The following CWC25 variants were observed in gnomAD, a reference collection of about 807,000 sequenced individuals.
The protein encoded by CWC25 is pre-mRNA-splicing factor CWC25 homolog.
Under a neutral mutation model 54.6 loss-of-function variants are expected in CWC25, and 31 were observed. The ratio of observed to expected loss-of-function variants is 0.57; its 90% confidence interval spans 0.43 to 0.77. CWC25 has a LOEUF of 0.77. Among genes scored for constraint, CWC25 ranks in the 30% least tolerant of loss-of-function variants. The probability of loss-of-function intolerance (pLI) is 0.00; values close to 1 mark genes in which losing one functional copy is unlikely to be tolerated. For missense variants in CWC25, 453 were observed against 529.3 expected (o/e 0.86, Z 1.41); for synonymous variants, 151 against 187.0 (o/e 0.81, Z 1.57).
chr17:38,815,655 C>G, intron 2 of CWC25: 1 of 1,288,472 alleles, frequency 7.8e-7, no homozygotes, highest in Non-Finnish European at 1.0e-6. Flanking sequence ...AACCAGTGTT[C>G]CTCAACATGG....
At chr17:38,813,857 TTTG>T (rs966697574) in intron 3 of CWC25, among the ~76,000 whole-genome samples, 8 of 151,962 alleles carry the variant, frequency 5.3e-5, no homozygotes, top group South Asian at 2.1e-4. Context: ...AGTTGTTTTT[TTTG>T]TTGTTGTTGT....
At chr17:38,803,733 T>TA (rs35237821) in intron 8 of CWC25, among the ~76,000 whole-genome samples, 182 of 141,804 alleles carry the variant, frequency 1.3e-3, no homozygotes, top group South Asian at 2.9e-3. Context: ...GTAGGAGGCT[T>TA]AAAAAAAAAA....
intron 7 of CWC25, 135 bp from the exon 8 acceptor site, chr17:38,806,530 G>A (rs1314671848): frequency 1.2e-6 from 1 of 849,186 alleles, no homozygotes. Context: ...AAGGTATAGG[G>A]TTTGATGTTA....
chr17:38,816,516 T>C (rs530792656), intron 2 of CWC25, among the ~76,000 whole-genome samples: 40 of 151,478 alleles, frequency 2.6e-4, no homozygotes, highest in Admixed American at 2.4e-3. Context: ...CCTCCCAAAG[T>C]GCTGGGATTA....
intron 1 of CWC25, among the ~76,000 whole-genome samples, chr17:38,824,709 C>A (rs987189592): frequency 2.6e-5 from 4 of 151,960 alleles, no homozygotes; most frequent in African/African-American, 9.7e-5. Context: ...AAAAACGACC[C>A]CAGGGCATGG....
rs755916828 is a variant in CWC25 at position 38,820,991 on chromosome 17, C to T, written c.101G>A (p.Arg34Gln). Residue 34 changes from arginine to glutamine, a missense_variant, in exon 2 of 10, where the codon CGG (arginine) becomes CAG (glutamine). Arg to Gln is a conservative substitution (Grantham distance 43). Transcript: ENST00000614790. ...CCGCTGAAGCTCCTCAATCTTCTTC[C>T]GCTCAGCCTCATGCTTCTGCTCGGC... ...WKAEQKHEAE[R>Q]KKIEELQREL... The T allele has an allele frequency of 6.2e-6, 10 of 1,613,870 alleles. No homozygotes were observed. Among genetic ancestry groups the T allele is most frequent in the Middle Eastern group, 3.3e-4 (2 of 6,084 alleles).
intron 4 of CWC25, 93 bp downstream of exon 4, chr17:38,812,702 T>C (rs1911538543): frequency 1.4e-6 from 1 of 718,394 alleles, no homozygotes; most frequent in East Asian, 2.8e-5. Flanking sequence ...GGCCATTCTG[T>C]TTTTCCCCTG....
chr17:38,825,202 T>A lies in CWC25; in HGVS notation c.-19A>T. 4 of 1,580,408 alleles carry A rather than the reference T, an allele frequency of 2.5e-6. No individual in the cohort carries two copies. The highest frequency in any genetic ancestry group is 3.4e-6 in the Non-Finnish European group (4 of 1,163,406). ...CCCCCATGACGGTGGAGACGATTCC[T>A]CACTACGCGGATCTGGAAGATTTCG... On this transcript the variant is annotated 5_prime_UTR_variant, in exon 1 of 10. Coordinates refer to ENST00000614790, the MANE Select transcript of CWC25 (RefSeq NM_017748.5).
At chr17:38,823,881 G>A (rs1430479078) in intron 1 of CWC25, among the ~76,000 whole-genome samples, 1 of 152,214 alleles carries the variant, frequency 6.6e-6, no homozygotes, top group Admixed American at 6.5e-5. Context: ...AGAGGCCAGT[G>A]ATGCTGCTAA....
chr17:38,823,201 G>T (rs1217598306), intron 1 of CWC25, among the ~76,000 whole-genome samples: 2 of 123,520 alleles, frequency 1.6e-5, no homozygotes, highest in African/African-American at 6.3e-5. Context: ...GCTCTGTCAC[G>T]CAGGCTAGAG....
rs115047067 is a variant in CWC25 at position 38,822,840 on chromosome 17, C to T, written c.19-1767G>A. 4.7e-3 allele frequency among the ~76,000 whole-genome samples: 689 copies of T among 147,332 alleles called. 8 individuals are homozygous for T. The highest frequency in any genetic ancestry group is 0.017 in the African/African-American group (650 of 38,988). On this transcript the variant is annotated intron_variant, in intron 1 of 9. Transcript: ENST00000614790. ...AAGGGATTACAGGCATGCGCCGCCA[C>T]GCCTGGCCAATTTTTTTTTTTTTTT...
At chr17:38,814,470 G>T (rs1051070218) in intron 3 of CWC25, among the ~76,000 whole-genome samples, 1 of 151,238 alleles carries the variant, frequency 6.6e-6, no homozygotes. Context: ...GCTGGGCGTG[G>T]TGGCTCACGC....
chr17:38,818,320 A>G (rs228252), intron 2 of CWC25, among the ~76,000 whole-genome samples: 143,498 of 151,736 alleles, frequency 0.95, 67,902 homozygotes, highest in East Asian at 1. Flanking sequence ...CCAGCCGGGC[A>G]CTGTGGCTCA....
At chr17:38,812,667 GT>G in intron 4 of CWC25, 127 bp downstream of exon 4, 1 of 565,952 alleles carries the variant, frequency 1.8e-6, no homozygotes, top group Non-Finnish European at 3.2e-6. Flanking sequence ...CCACAACATG[GT>G]CTCTAAAAGA....
At chr17:38,808,003 C>T (rs1334888027) in intron 6 of CWC25, among the ~76,000 whole-genome samples, 1 of 134,450 alleles carries the variant, frequency 7.4e-6, no homozygotes, top group East Asian at 2.2e-4. Flanking sequence ...TTGCAGTGAG[C>T]CGAGATGGCG....
intron 2 of CWC25, among the ~76,000 whole-genome samples, chr17:38,819,301 G>A (rs1911829384): frequency 6.7e-6 from 1 of 150,124 alleles, no homozygotes; most frequent in Admixed American, 6.7e-5. Context: ...CTGAGTTCAA[G>A]TGATTCTCCT....
rs1333299491 is a variant in CWC25, at chr17:38,806,844, T to A, written c.823A>T (p.Ser275Cys). ...HSPPRHASKKSTREAGSRDRR... is the reference protein window; with the variant it reads ...HSPPRHASKKCTREAGSRDRR... The stretch of plus-strand genomic sequence containing the variant: ...TCCCGGGACCCTGCTTCCCTGGTGC[T>A]CTTCTTGCTGGCATGTCTTGGGGGT... The change falls in exon 7 of 10, where the codon AGC (serine) becomes TGC (cysteine). Residue 275 changes from serine (S) to cysteine (C), a missense_variant. Coordinates refer to ENST00000614790, the MANE Select transcript of CWC25 (RefSeq NM_017748.5). The A allele has an allele frequency of 6.2e-7, 1 of 1,613,734 alleles. No homozygotes were observed. The highest frequency in any genetic ancestry group is 1.1e-5 in the South Asian group (1 of 91,066).
chr17:38,825,278 A>T lies in CWC25; in HGVS notation c.-95T>A. 7.3e-7 allele frequency: 1 copy of T among 1,375,126 alleles called. No individual in the cohort carries two copies. The highest frequency in any genetic ancestry group is 9.9e-7 in the Non-Finnish European group (1 of 1,009,384). 85.2% of individuals were successfully genotyped at this position (1,375,126 alleles called of 1,614,324 possible). ...AATAGTTCGGGGGCTACCTCGCGGG[A>T]TCTAGTCCCAGGAGCCGTCAACTGC... On this transcript the variant is annotated 5_prime_UTR_variant, in exon 1 of 10. Transcript: ENST00000614790.
At chr17:38,806,198 G>A (rs886975549) in intron 8 of CWC25, 99 bp downstream of exon 8, 6 of 1,069,758 alleles carry the variant, frequency 5.6e-6, no homozygotes, top group Admixed American at 2.1e-5. Flanking sequence ...AAGTTGGTTC[G>A]TCGAAAAGGT....
Sources: allele counts gnomAD v4.1 joint callset (sites outside exome capture counted in the v4.1 genomes callset), GRCh38; gene constraint gnomAD v4.1.1; transcripts MANE v1.5; gene names NCBI Gene and HGNC (gene_info 2026-07-23, HGNC 2026-07-21).